Variants in WDR86 observed in about 807,000 individuals in gnomAD.
WDR86 encodes WD repeat-containing protein 86.
Under a neutral mutation model 36.5 loss-of-function variants are expected in WDR86, and 30 were observed. That is an observed-to-expected ratio of 0.82 (90% CI 0.61 to 1.11). The LOEUF (loss-of-function observed/expected upper bound fraction) is 1.11, where lower values mean the gene tolerates loss of function less well. WDR86 is among the 50% of genes most tolerant of loss of function. The probability of loss-of-function intolerance (pLI) is 0.00; values close to 1 mark genes in which losing one functional copy is unlikely to be tolerated. For synonymous variants in WDR86, 255 were observed against 252.9 expected (o/e 1.01, Z -0.08); for missense variants, 545 against 561.2 (o/e 0.97, Z 0.29).
At chr7:151,374,619 A>G (rs1798123195), downstream of WDR86, 1 of 284,170 alleles carries the variant, frequency 3.5e-6, no homozygotes. Context: ...AAAATTTTAA[A>G]TGTAAGTATC....
rs1282124471 is a variant in WDR86 at position 151,400,338 on chromosome 7, G to A, written c.164-97C>T. ...GTTTGAAAAGGGAAGAAAGCAGGAT[G>A]TAGGGAGTGTTTGAGACAAGCTGGA... is the stretch of plus-strand genomic sequence containing the variant. On this transcript the variant is annotated intron_variant, in intron 1 of 5. Transcript: ENST00000334493. 8 of 1,312,568 alleles carry A rather than the reference G, an allele frequency of 6.1e-6. No individual in the cohort carries two copies. The African/African-American group carries it at 7.6e-5, about 12-fold the overall frequency. 81.3% of individuals were successfully genotyped at this position (1,312,568 alleles called of 1,614,324 possible).
chr7:151,393,508 C>A (rs866270580), intron 3 of WDR86, among the ~76,000 whole-genome samples: 2 of 152,176 alleles, frequency 1.3e-5, no homozygotes, highest in Admixed American at 6.5e-5. Flanking sequence ...TTTTCTCCCC[C>A]CTCCGTCCAG....
chr7:151,369,055 T>G, the WDR86 span: 7 of 704,696 alleles, frequency 9.9e-6, no homozygotes, highest in Non-Finnish European at 1.5e-5. Context: ...TCATCCAGGC[T>G]GGAGTGCAGT....
downstream of WDR86, among the ~76,000 whole-genome samples, chr7:151,371,188 G>GCAA (rs141724967): frequency 6.6e-6 from 1 of 152,168 alleles, no homozygotes; most frequent in African/African-American, 2.4e-5. Flanking sequence ...TTGGCTGAAA[G>GCAA]CAACAACAAC....
intron 4 of WDR86, 71 bp downstream of exon 4, chr7:151,385,017 T>C (rs1184252207): frequency 6.8e-7 from 1 of 1,474,408 alleles, no homozygotes; most frequent in Non-Finnish European, 9.1e-7. Flanking sequence ...GAAAATCCCA[T>C]AGGAAGTAAA....
Position 151,409,394 on chromosome 7 carries a change from C to T in WDR86, c.163+33G>A, listed in dbSNP as rs1236829291. ...GCGGTCTGGGGCCGGTGAGCTGCGGCGAAGAGGTCAGGGAGGGAGTGGGAG... is the reference window on the plus strand; with the variant it reads ...GCGGTCTGGGGCCGGTGAGCTGCGGTGAAGAGGTCAGGGAGGGAGTGGGAG... On this transcript the variant is annotated intron_variant, in intron 1 of 5. Coordinates refer to ENST00000334493, the MANE Select transcript of WDR86 (RefSeq NM_198285.3). The surrounding 1 kb of genome is among the most constrained non-coding windows in gnomAD (Gnocchi z 5.2). The T allele has an allele frequency of 1.3e-6, 2 of 1,552,476 alleles. No individual in the cohort carries two copies. Among genetic ancestry groups the T allele is most frequent in the Non-Finnish European group, 1.7e-6 (2 of 1,149,700 alleles).
At chr7:151,377,368 A>T, downstream of WDR86, 1 of 586,308 alleles carries the variant, frequency 1.7e-6, no homozygotes, top group Non-Finnish European at 2.8e-6. Flanking sequence ...GGACAAGTCC[A>T]GGAGGGGTCC....
chr7:151,371,805 G>A (rs567751284), downstream of WDR86, among the ~76,000 whole-genome samples: 8 of 152,170 alleles, frequency 5.3e-5, no homozygotes, highest in Non-Finnish European at 2.9e-5. Context: ...GGGCAGTGGC[G>A]TGATTATGGC....
intron 4 of WDR86, among the ~76,000 whole-genome samples, chr7:151,384,269 C>T (rs1436606324): frequency 6.6e-6 from 1 of 152,202 alleles, no homozygotes; most frequent in Non-Finnish European, 1.5e-5. Context: ...CGATTCTGCC[C>T]TTCTTTCTTT....
chr7:151,392,401 G>A (rs1179688659), intron 3 of WDR86, among the ~76,000 whole-genome samples: 3 of 152,126 alleles, frequency 2.0e-5, no homozygotes, highest in Non-Finnish European at 4.4e-5. Context: ...GACTTATGCT[G>A]GAACTTAGGG....
Position 151,390,657 on chromosome 7 carries a change from G to A in WDR86, c.726+5119C>T, listed in dbSNP as rs1799360575. Among the ~76,000 whole-genome samples the A allele has an allele frequency of 6.6e-6, 1 of 152,194 alleles. No individual in the cohort carries two copies. The highest frequency in any genetic ancestry group is 2.4e-5 in the African/African-American group (1 of 41,440). On this transcript the variant is annotated intron_variant, in intron 3 of 5. Coordinates refer to ENST00000334493, the MANE Select transcript of WDR86 (RefSeq NM_198285.3). The surrounding 1 kb of genome is among the most constrained non-coding windows in gnomAD (Gnocchi z 4.5). ...AAGCAACCCGTGTGTCTATCAACAG[G>A]TGACGGATAAGCGCAATGTGGTATC...
In WDR86 at chr7:151,396,112, G is replaced by A. The variant is rs1563057697; in HGVS notation, c.390C>T (p.Ser130=). 6.2e-7 allele frequency: 1 copy of A among 1,612,836 alleles called. No homozygotes were observed. Among genetic ancestry groups the A allele is most frequent in the South Asian group, 1.1e-5 (1 of 91,082 alleles). Residue 130 remains serine (S), a synonymous_variant, in exon 3 of 6, where the codon TCC becomes TCT. Transcript: ENST00000334493. ...AGTTGCGGTGGCCCCGGAACTCCCG[G>A]GACATCTGCCCCTTGTCCACACTCC... ...RVWSVDKGQM[S]REFRGHRNCV...
downstream of WDR86, among the ~76,000 whole-genome samples, chr7:151,371,797 G>A (rs1323150359): frequency 2.0e-5 from 3 of 152,176 alleles, no homozygotes; most frequent in East Asian, 1.9e-4. Context: ...AGGCTGGAGG[G>A]CAGTGGCGTG....
At position 151,390,918 on chromosome 7, in the gene WDR86, A is replaced by C. The variant is rs77621925; in HGVS notation, c.726+4858T>G. 7.4e-3 allele frequency among the ~76,000 whole-genome samples: 1,126 copies of C among 152,370 alleles called. 37 individuals are homozygous for C. The highest frequency in any genetic ancestry group is 0.053 in the Admixed American group (809 of 15,310). On this transcript the variant is annotated intron_variant, in intron 3 of 5. Transcript: ENST00000334493. This position sits in a 1 kb window ranked among gnomAD's most constrained non-coding sequence, Gnocchi z 4.5. ...CGGGGAGTCAGTGTTTAATGGGGAC[A>C]GAGTTCTGATTTGGGCTGATGGAAA...
At position 151,390,040 on chromosome 7, in the gene WDR86, T is replaced by A. The variant is rs979854242; in HGVS notation, c.727-4817A>T. 1.3e-5 allele frequency among the ~76,000 whole-genome samples: 2 copies of A among 151,848 alleles called. No individual in the cohort carries two copies. Among genetic ancestry groups the A allele is most frequent in the African/African-American group, 4.8e-5 (2 of 41,334 alleles). ...AGCCCAGCAGAGCACTGAGGCAGAG[T>A]GAGGGCCCCAGGCAGGCCATGAGGC... On this transcript the variant is annotated intron_variant, in intron 3 of 5. Coordinates refer to ENST00000334493, the MANE Select transcript of WDR86 (RefSeq NM_198285.3). The surrounding 1 kb of genome is among the most constrained non-coding windows in gnomAD (Gnocchi z 4.5).
At chr7:151,376,709 G>C, downstream of WDR86, 1 of 1,608,520 alleles carries the variant, frequency 6.2e-7, no homozygotes, top group Non-Finnish European at 8.5e-7. Flanking sequence ...CCAGCTGGCC[G>C]CCCAGACCCT....
At chr7:151,407,290 TGAAG>T (rs1007067012) in intron 1 of WDR86, among the ~76,000 whole-genome samples, 11 of 151,954 alleles carry the variant, frequency 7.2e-5, no homozygotes, top group Non-Finnish European at 1.6e-4. Flanking sequence ...AAAGTGGGTG[TGAAG>T]GAAGGAGGCA....
intron 2 of WDR86, among the ~76,000 whole-genome samples, chr7:151,397,670 GGAAGAGCA>G (rs1164086008): frequency 0.066 from 2,723 of 41,076 alleles, 74 homozygotes; most frequent in East Asian, 0.14. Flanking sequence ...CATAGCGGGA[GGAAGAGCA>G]TAGCGGGAGG....
rs576941442 is a variant in WDR86 at position 151,401,777 on chromosome 7, C to T, written c.164-1536G>A. On this transcript the variant is annotated intron_variant, in intron 1 of 5. Coordinates refer to ENST00000334493, the MANE Select transcript of WDR86 (RefSeq NM_198285.3). This position sits in a 1 kb window ranked among gnomAD's most constrained non-coding sequence, Gnocchi z 4.3. ...AAATACAACCGCAAGTGGCCAGGCG[C>T]GGTGGCTCACGCCTGTAATTCCAGC... 1.1e-4 allele frequency among the ~76,000 whole-genome samples: 16 copies of T among 151,884 alleles called. 1 individual carries two copies. In the East Asian group the frequency reaches 1.4e-3, roughly 13 times the overall value.
Sources: gnomAD v4.1 joint callset for allele counts (sites outside exome capture counted in the v4.1 genomes callset) on GRCh38, gnomAD v4.1.1 for gene constraint, Gnocchi (gnomAD v3.1) non-coding constraint, MANE v1.5 for transcripts, NCBI Gene and HGNC (gene_info 2026-07-23, HGNC 2026-07-21) for gene names.